GINS1: variants seen among roughly 807,000 people sequenced by gnomAD.
GINS1 encodes the protein GINS complex subunit 1.
GINS1 carries 26 observed loss-of-function variants against 34.9 expected under a neutral mutation model. That is an observed-to-expected ratio of 0.74 (90% CI 0.55 to 1.03). The LOEUF is 1.03. Among genes scored for constraint, GINS1 ranks in the 50% least tolerant of loss-of-function variants. The pLI is 0.00. For missense variants in GINS1, 235 were observed against 237.9 expected (o/e 0.99, Z 0.08); for synonymous variants, 97 against 84.4 (o/e 1.15, Z -0.82).
intron 1 of GINS1, among the ~76,000 whole-genome samples, chr20:25,412,400 A>T (rs369592217): frequency 0.54 from 81,559 of 150,976 alleles, 22,553 homozygotes; most frequent in Admixed American, 0.61. Context: ...CTAAAAATAC[A>T]AAAAATTAGC....
chr20:25,436,544 C>G (rs959560838), intron 5 of GINS1, among the ~76,000 whole-genome samples: 4 of 151,996 alleles, frequency 2.6e-5, no homozygotes, highest in African/African-American at 9.7e-5. Flanking sequence ...GTTATCCTGT[C>G]TTTAGGTTTG....
At chr20:25,427,618 G>A (rs1296870377) in intron 5 of GINS1, among the ~76,000 whole-genome samples, 1 of 152,138 alleles carries the variant, frequency 6.6e-6, no homozygotes, top group Non-Finnish European at 1.5e-5. Flanking sequence ...TTGGAGAAAT[G>A]TTTATTCAAA....
In GINS1 at chr20:25,417,097, C is replaced by T. The variant is rs2146194879; in HGVS notation, c.141-7C>T. The T allele has an allele frequency of 7.4e-7, 1 of 1,356,826 alleles. No homozygotes were observed. The highest frequency in any genetic ancestry group is 2.3e-5 in the East Asian group (1 of 43,458). The allele number at this position is 1,356,826 out of a possible 1,614,324, so 84.0% of individuals were successfully genotyped here. A position where few individuals can be genotyped will look rare whatever the true frequency, so the allele number is the denominator to read the frequency against. ...ATATTTTTTTTCTTTTTAAATGCTCCTATCAGGAATGAAGCAAAGTCAGGT... is the reference window on the plus strand; with the variant it reads ...ATATTTTTTTTCTTTTTAAATGCTCTTATCAGGAATGAAGCAAAGTCAGGT... On this transcript the variant is annotated splice_polypyrimidine_tract_variant and splice_region_variant and intron_variant, in intron 2 of 6. Transcript: ENST00000262460.
rs1183839099 is a variant in GINS1 at position 25,447,823 on chromosome 20, T to C, written c.*1832T>C. 6.6e-6 allele frequency: 1 copy of C among 152,218 alleles called. No homozygotes were observed. The highest frequency in any genetic ancestry group is 2.4e-5 in the African/African-American group (1 of 41,444). 9.4% of individuals were successfully genotyped at this position (152,218 alleles called of 1,614,324 possible). A position where few individuals can be genotyped will look rare whatever the true frequency, so the allele number is the denominator to read the frequency against. Reference sequence around the variant, plus strand: ...TTTGTTTTGGCTATGTTAAGTCCTTTGCTTTTGATGTGAAATTTGGGAACA... The same window carrying C: ...TTTGTTTTGGCTATGTTAAGTCCTTCGCTTTTGATGTGAAATTTGGGAACA... On this transcript the variant is annotated 3_prime_UTR_variant, in exon 7 of 7. Transcript: ENST00000262460.
intron 5 of GINS1, among the ~76,000 whole-genome samples, chr20:25,430,260 T>C (rs770288831): frequency 1.3e-5 from 2 of 152,230 alleles, no homozygotes; most frequent in Non-Finnish European, 2.9e-5. Flanking sequence ...AGAGTTTCCA[T>C]ATATGGCTTT....
rs1018765633 is a variant in GINS1 at position 25,445,447 on chromosome 20, C to T, written c.523-476C>T. 9.3e-5 allele frequency among the ~76,000 whole-genome samples: 14 copies of T among 150,878 alleles called. No individual in the cohort carries two copies. In the East Asian group the frequency reaches 9.7e-4, roughly 10 times the overall value. Reference sequence around the variant, plus strand: ...CTGCAAGCTCTGCCTCCCGGGTTCACGCCATTCTCCTGCCTCAGCCTCCTG... The same window carrying T: ...CTGCAAGCTCTGCCTCCCGGGTTCATGCCATTCTCCTGCCTCAGCCTCCTG... On this transcript the variant is annotated intron_variant, in intron 6 of 6. Transcript: ENST00000262460.
At chr20:25,408,453 TCTC>T (rs2090261754) in intron 1 of GINS1, among the ~76,000 whole-genome samples, 1 of 152,206 alleles carries the variant, frequency 6.6e-6, no homozygotes, top group Non-Finnish European at 1.5e-5. Flanking sequence ...ATATTACTTT[TCTC>T]CTGCTGCTGC....
At chr20:25,422,450 G>A (rs1027230608) in intron 4 of GINS1, among the ~76,000 whole-genome samples, 1 of 151,966 alleles carries the variant, frequency 6.6e-6, no homozygotes, top group African/African-American at 2.4e-5. Context: ...ACTTAGCTAA[G>A]TGTGGTGGCA....
intron 6 of GINS1, 137 bp from the exon 7 acceptor site, chr20:25,445,786 T>G: frequency 1.6e-6 from 1 of 618,206 alleles, no homozygotes; most frequent in Non-Finnish European, 2.9e-6. Context: ...CCCAGCCCCT[T>G]AAGTTTAACT....
At chr20:25,424,059 G>T (rs181667312) in intron 4 of GINS1, among the ~76,000 whole-genome samples, 47 of 152,320 alleles carry the variant, frequency 3.1e-4, no homozygotes, top group Admixed American at 1.8e-3. Context: ...GTATTGAACA[G>T]ATCTGCCTCT....
intron 5 of GINS1, among the ~76,000 whole-genome samples, chr20:25,426,253 CT>C (rs1404540089): frequency 6.6e-6 from 1 of 152,002 alleles, no homozygotes; most frequent in Non-Finnish European, 1.5e-5. Context: ...TCTGTGGTAT[CT>C]GTGGTAAGAA....
At chr20:25,428,977 T>C (rs1391643732) in intron 5 of GINS1, among the ~76,000 whole-genome samples, 38 of 2,562 alleles carry the variant, frequency 0.015, no homozygotes, top group African/African-American at 0.071. Context: ...CTCTTTTTTT[T>C]TTTTTTTTTT....
chr20:25,441,807 A>T (rs1251378535), intron 6 of GINS1, 31 bp downstream of exon 6: 4 of 1,100,070 alleles, frequency 3.6e-6, no homozygotes, highest in East Asian at 4.7e-5. Context: ...CTTTACTTTA[A>T]ATCTTATGAG....
At chr20:25,442,009 G>A (rs1270533177) in intron 6 of GINS1, among the ~76,000 whole-genome samples, 3 of 152,086 alleles carry the variant, frequency 2.0e-5, no homozygotes, top group African/African-American at 7.2e-5. Context: ...TTAAAACTAG[G>A]TGTTTTCTAG....
intron 2 of GINS1, among the ~76,000 whole-genome samples, chr20:25,415,685 C>CAAA (rs370801254): frequency 1.0e-4 from 5 of 49,144 alleles, no homozygotes; most frequent in Admixed American, 4.4e-4. Context: ...AACTCCATCT[C>CAAA]AAAAAAAAAA....
At chr20:25,437,033 C>T (rs903003131) in intron 5 of GINS1, among the ~76,000 whole-genome samples, 10 of 152,092 alleles carry the variant, frequency 6.6e-5, no homozygotes, top group African/African-American at 1.7e-4. Context: ...TGAGGTATAA[C>T]CTTAAGGTTT....
chr20:25,416,681 G>A (rs1476438570), intron 2 of GINS1, among the ~76,000 whole-genome samples: 12 of 152,178 alleles, frequency 7.9e-5, no homozygotes, highest in Non-Finnish European at 7.3e-5. Flanking sequence ...TTGTTATAAT[G>A]AGGATTTGGA....
chr20:25,417,900 C>T (rs1173329684), intron 3 of GINS1, among the ~76,000 whole-genome samples: 2 of 152,126 alleles, frequency 1.3e-5, no homozygotes, highest in African/African-American at 4.8e-5. Flanking sequence ...ACCTTAGGGA[C>T]CTTTTTCCCA....
At chr20:25,417,301 CTT>C in intron 3 of GINS1, 99 bp downstream of exon 3, 1 of 667,170 alleles carries the variant, frequency 1.5e-6, no homozygotes, top group Non-Finnish European at 2.7e-6. Flanking sequence ...ATCTCTCTCT[CTT>C]TGTAAGCATT....
Sources: allele counts gnomAD v4.1 joint callset (sites outside exome capture counted in the v4.1 genomes callset), GRCh38; gene constraint gnomAD v4.1.1; transcripts MANE v1.5; gene names NCBI Gene and HGNC (gene_info 2026-07-23, HGNC 2026-07-21).